Variants in MGAT4C observed in about 807,000 individuals in gnomAD.
MGAT4C encodes the protein MGAT4 family member C.
MGAT4C carries 19 observed loss-of-function variants against 40.1 expected under a neutral mutation model. That is an observed-to-expected ratio of 0.47 (90% CI 0.33 to 0.70). MGAT4C has a LOEUF of 0.70. Ranked by LOEUF, MGAT4C falls within the 30% of genes least tolerant of loss-of-function variation. MGAT4C has a pLI of 0.02. For synonymous variants in MGAT4C, 181 were observed against 187.1 expected (o/e 0.97, Z 0.27); for missense variants, 491 against 563.2 (o/e 0.87, Z 1.30).
At position 85,960,875 on chromosome 12, in the gene MGAT4C, A is replaced by G. The variant is rs917054206; in HGVS notation, c.*18414T>C. The G allele has an allele frequency of 4.6e-5, 7 of 151,966 alleles. No individual in the cohort carries two copies. Among genetic ancestry groups the G allele is most frequent in the African/African-American group, 1.4e-4 (6 of 41,426 alleles). 9.4% of individuals were successfully genotyped at this position (151,966 alleles called of 1,614,324 possible). A position where few individuals can be genotyped will look rare whatever the true frequency, so the allele number is the denominator to read the frequency against. ...ATTGATACTGAGCCTGTAAATATTT[A>G]TTTATATGATGTTTGGCACTTTATT... On this transcript the variant is annotated 3_prime_UTR_variant, in exon 5 of 5. Transcript: ENST00000611864.
Position 85,972,168 on chromosome 12 carries a change from A to G in MGAT4C, c.*7121T>C, listed in dbSNP as rs1023717914. On this transcript the variant is annotated 3_prime_UTR_variant, in exon 5 of 5. Transcript: ENST00000611864. ...GGTTCTTGTAAGTGATTTTGATATG[A>G]CTGATTACCAAATTATGGTGGGTAA... The G allele has an allele frequency of 2.6e-5, 4 of 151,146 alleles. No individual in the cohort carries two copies. The highest frequency in any genetic ancestry group is 9.7e-5 in the African/African-American group (4 of 41,344). 9.4% of individuals were successfully genotyped at this position (151,146 alleles called of 1,614,324 possible). A position where few individuals can be genotyped will look rare whatever the true frequency, so the allele number is the denominator to read the frequency against.
At chr12:86,399,718 C>G (rs1053633144) in intron 3 of MGAT4C, among the ~76,000 whole-genome samples, 1 of 152,174 alleles carries the variant, frequency 6.6e-6, no homozygotes, top group African/African-American at 2.4e-5. Flanking sequence ...GGAAGGTGAA[C>G]AGGAACTCAT....
At chr12:86,588,158 AGC>A (rs1961150436) in intron 2 of MGAT4C, among the ~76,000 whole-genome samples, 1 of 151,702 alleles carries the variant, frequency 6.6e-6, no homozygotes, top group Non-Finnish European at 1.5e-5. Flanking sequence ...TTTAGCATGA[AGC>A]ATTGTTGAAT....
intron 2 of MGAT4C, among the ~76,000 whole-genome samples, chr12:86,647,518 T>C (rs1963575876): frequency 6.6e-6 from 1 of 151,936 alleles, no homozygotes; most frequent in African/African-American, 2.4e-5. Context: ...TGTCATTATA[T>C]ATTACTTTTG....
At chr12:86,043,356 C>G (rs367875649) in intron 2 of MGAT4C, among the ~76,000 whole-genome samples, 1 of 152,160 alleles carries the variant, frequency 6.6e-6, no homozygotes, top group African/African-American at 2.4e-5. Context: ...CAGTCTGTGA[C>G]AGAAGGCCTG....
intron 1 of MGAT4C, among the ~76,000 whole-genome samples, chr12:86,202,922 G>T (rs890365029): frequency 1.3e-5 from 2 of 151,572 alleles, no homozygotes; most frequent in African/African-American, 4.9e-5. Flanking sequence ...TTTAACAACT[G>T]TATTAAATCC....
At chr12:86,314,415 T>C (rs1465671181) in intron 4 of MGAT4C, among the ~76,000 whole-genome samples, 1 of 152,160 alleles carries the variant, frequency 6.6e-6, no homozygotes, top group East Asian at 1.9e-4. Flanking sequence ...TGAACACTCC[T>C]ATTCAACATA....
chr12:86,097,774 C>T (rs897395520), intron 1 of MGAT4C, among the ~76,000 whole-genome samples: 1 of 151,480 alleles, frequency 6.6e-6, no homozygotes, highest in Non-Finnish European at 1.5e-5. Flanking sequence ...AAATTTTATT[C>T]AAACTAATTT....
At chr12:86,768,390 A>T (rs1231554747) in intron 1 of MGAT4C, among the ~76,000 whole-genome samples, 1 of 152,174 alleles carries the variant, frequency 6.6e-6, no homozygotes, top group African/African-American at 2.4e-5. Context: ...ATGGAAGAAC[A>T]TTCCATGCTC....
At chr12:86,536,811 G>A (rs775687777) in intron 2 of MGAT4C, among the ~76,000 whole-genome samples, 10 of 152,146 alleles carry the variant, frequency 6.6e-5, no homozygotes, top group Non-Finnish European at 1.2e-4. Flanking sequence ...TCAGTGTGGC[G>A]ATTCCTCAGG....
At chr12:86,243,397 A>G (rs1433527134) in intron 1 of MGAT4C, among the ~76,000 whole-genome samples, 2 of 152,224 alleles carry the variant, frequency 1.3e-5, no homozygotes, top group East Asian at 1.9e-4. Flanking sequence ...GTGACCCTCA[A>G]TGATTCACAT....
chr12:86,345,706 A>G (rs1955015271), intron 3 of MGAT4C, among the ~76,000 whole-genome samples: 1 of 152,174 alleles, frequency 6.6e-6, no homozygotes, highest in South Asian at 2.1e-4. Context: ...TAGTGCTGCA[A>G]TAAACATACA....
Position 85,971,843 on chromosome 12 carries a change from G to A in MGAT4C, c.*7446C>T, listed in dbSNP as rs1223988418. 1 of 151,068 alleles carries A rather than the reference G, an allele frequency of 6.6e-6. No individual in the cohort carries two copies. Among genetic ancestry groups the A allele is most frequent in the African/African-American group, 2.4e-5 (1 of 41,306 alleles). 9.4% of individuals were successfully genotyped at this position (151,068 alleles called of 1,614,324 possible). On this transcript the variant is annotated 3_prime_UTR_variant, in exon 5 of 5. Transcript: ENST00000611864. Reference sequence around the variant, plus strand: ...CCCCTGTTGTTATTTTTACACATCTGGATGCTCAGAAAGGCCTCCTTACCA... The same window carrying A: ...CCCCTGTTGTTATTTTTACACATCTAGATGCTCAGAAAGGCCTCCTTACCA...
At chr12:86,681,666 T>C (rs1949984819) in intron 2 of MGAT4C, among the ~76,000 whole-genome samples, 1 of 152,038 alleles carries the variant, frequency 6.6e-6, no homozygotes, top group Non-Finnish European at 1.5e-5. Flanking sequence ...TCATGTAGTT[T>C]TCTATACACC....
intron 2 of MGAT4C, among the ~76,000 whole-genome samples, chr12:86,457,246 T>C (rs1372350408): frequency 6.6e-6 from 1 of 152,160 alleles, no homozygotes; most frequent in Non-Finnish European, 1.5e-5. Context: ...TATAGTGCTT[T>C]CTTACTCCAT....
chr12:86,414,435 T>C (rs554584795), intron 3 of MGAT4C, among the ~76,000 whole-genome samples: 3 of 152,150 alleles, frequency 2.0e-5, no homozygotes, highest in Admixed American at 2.0e-4. Context: ...CCTATTCTCA[T>C]AAGAACAATT....
At chr12:86,804,349 C>T (rs1398200077) in intron 1 of MGAT4C, among the ~76,000 whole-genome samples, 8 of 145,826 alleles carry the variant, frequency 5.5e-5, no homozygotes, top group South Asian at 2.2e-4. Context: ...CGCACCAGCA[C>T]GGCACATGTA....
At chr12:86,808,137 AG>A (rs1566004312) in intron 1 of MGAT4C, among the ~76,000 whole-genome samples, 1 of 152,114 alleles carries the variant, frequency 6.6e-6, no homozygotes, top group Non-Finnish European at 1.5e-5. Flanking sequence ...AGGCAGTAAT[AG>A]CCTACCAACC....
At chr12:86,620,627 T>C (rs953722769) in intron 2 of MGAT4C, among the ~76,000 whole-genome samples, 8 of 152,158 alleles carry the variant, frequency 5.3e-5, no homozygotes, top group Admixed American at 1.3e-4. Context: ...AGTTGTATGA[T>C]GGATAACGCT....
Sources: allele counts gnomAD v4.1 joint callset (sites outside exome capture counted in the v4.1 genomes callset), GRCh38; gene constraint gnomAD v4.1.1; transcripts MANE v1.5; gene names NCBI Gene and HGNC (gene_info 2026-07-23, HGNC 2026-07-21).